MACROD2: variants seen among roughly 807,000 people sequenced by gnomAD.
The protein encoded by MACROD2 is ADP-ribose glycohydrolase MACROD2.
A neutral mutation model predicts 70.4 loss-of-function variants in MACROD2; 36 were observed. The ratio of observed to expected loss-of-function variants is 0.51; its 90% CI spans 0.39 to 0.68. MACROD2 has a LOEUF of 0.68. Ranked by LOEUF, MACROD2 falls within the 30% of genes least tolerant of loss-of-function variation. The pLI is 0.00. For synonymous variants in MACROD2, 172 were observed against 178.8 expected, an observed-to-expected ratio of 0.96 and a Z score of 0.30; for missense variants, 496 against 538.4, an observed-to-expected ratio of 0.92 and a Z score of 0.78.
chr20:15,889,827 C>T (rs972351621), intron 10 of MACROD2, among the ~76,000 whole-genome samples: 5 of 152,164 alleles, frequency 3.3e-5, no homozygotes, highest in African/African-American at 9.6e-5. Flanking sequence ...CAAAGCCATG[C>T]TCCTGGCAAA....
At chr20:15,691,789 G>T (rs1185843805) in intron 8 of MACROD2, among the ~76,000 whole-genome samples, 1 of 152,134 alleles carries the variant, frequency 6.6e-6, no homozygotes, top group African/African-American at 2.4e-5. Flanking sequence ...CCTCCCACTG[G>T]CTAAGTTATG....
At chr20:15,371,927 C>G (rs1236628670) in intron 6 of MACROD2, among the ~76,000 whole-genome samples, 1 of 152,094 alleles carries the variant, frequency 6.6e-6, no homozygotes, top group Non-Finnish European at 1.5e-5. Flanking sequence ...ATATGTAGAT[C>G]CTGCCATTAA....
At chr20:14,375,447 C>A (rs1264375255) in intron 3 of MACROD2, among the ~76,000 whole-genome samples, 1 of 152,138 alleles carries the variant, frequency 6.6e-6, no homozygotes, top group African/African-American at 2.4e-5. Flanking sequence ...GTATTTTGTG[C>A]AGCTGTAAGA....
chr20:14,787,990 TATTAA>T (rs1235596899), intron 5 of MACROD2, among the ~76,000 whole-genome samples: 1 of 152,086 alleles, frequency 6.6e-6, no homozygotes, highest in Non-Finnish European at 1.5e-5. Flanking sequence ...GAGGGCTTTC[TATTAA>T]ATTTAGTCCA....
At chr20:15,024,351 A>G (rs2075213403) in intron 5 of MACROD2, among the ~76,000 whole-genome samples, 1 of 152,196 alleles carries the variant, frequency 6.6e-6, no homozygotes, top group South Asian at 2.1e-4. Flanking sequence ...AGGAAGGACA[A>G]GAAGGAAGAG....
chr20:14,237,988 A>G (rs1441780138), intron 3 of MACROD2, among the ~76,000 whole-genome samples: 1 of 152,064 alleles, frequency 6.6e-6, no homozygotes, highest in Non-Finnish European at 1.5e-5. Flanking sequence ...TATTGTGAAT[A>G]GTGCCACAAT....
chr20:14,278,184 T>A lies in MACROD2; in HGVS notation c.271+192456T>A, dbSNP rs184078180. On this transcript the variant is annotated intron_variant, in intron 3 of 17. Coordinates refer to ENST00000684519, the MANE Select transcript of MACROD2 (RefSeq NM_001351661.2). ...TGTTTACTTTTAAATCTCAGAGTAA[T>A]TTTAAATATTAACATTGCTTAATGT... is the stretch of plus-strand genomic sequence containing the variant. 2.2e-3 allele frequency among the ~76,000 whole-genome samples: 332 copies of A among 152,348 alleles called. 2 individuals carry two copies. The highest frequency in any genetic ancestry group is 3.5e-3 in the Non-Finnish European group (241 of 68,030).
intron 2 of MACROD2, among the ~76,000 whole-genome samples, chr20:14,041,616 A>C (rs2053391640): frequency 6.6e-6 from 1 of 152,210 alleles, no homozygotes; most frequent in Admixed American, 6.5e-5. Context: ...GGCTGACAAG[A>C]TTAGATTCCT....
intron 13 of MACROD2, 40 bp downstream of exon 13, chr20:15,967,670 G>A: frequency 1.7e-6 from 2 of 1,145,598 alleles, no homozygotes; most frequent in Non-Finnish European, 2.4e-6. Flanking sequence ...CTTTTCTTCT[G>A]CTGGGAAACA....
At chr20:15,817,769 T>A (rs1018332914) in intron 8 of MACROD2, among the ~76,000 whole-genome samples, 1 of 152,114 alleles carries the variant, frequency 6.6e-6, no homozygotes, top group African/African-American at 2.4e-5. Context: ...CCCTTTAAAG[T>A]CCAGATGAAG....
intron 8 of MACROD2, among the ~76,000 whole-genome samples, chr20:15,705,084 A>C (rs921477120): frequency 6.6e-6 from 1 of 152,190 alleles, no homozygotes; most frequent in Non-Finnish European, 1.5e-5. Flanking sequence ...TCTCCTTTCA[A>C]AATATTATAG....
intron 8 of MACROD2, among the ~76,000 whole-genome samples, chr20:15,698,651 T>G (rs2050411444): frequency 6.6e-6 from 1 of 152,184 alleles, no homozygotes; most frequent in Non-Finnish European, 1.5e-5. Flanking sequence ...TTTCTTCAAT[T>G]ATTCCCCCAA....
intron 8 of MACROD2, among the ~76,000 whole-genome samples, chr20:15,684,183 G>T (rs927149132): frequency 6.6e-6 from 1 of 152,094 alleles, no homozygotes; most frequent in Non-Finnish European, 1.5e-5. Context: ...GTCCACCCCA[G>T]ATTGGCTTGT....
chr20:14,824,877 C>T (rs2072884907), intron 5 of MACROD2, among the ~76,000 whole-genome samples: 1 of 152,062 alleles, frequency 6.6e-6, no homozygotes, highest in Non-Finnish European at 1.5e-5. Flanking sequence ...CTACCATGTG[C>T]CGGTCACTGT....
chr20:14,918,621 T>G (rs1202285005), intron 5 of MACROD2, among the ~76,000 whole-genome samples: 5 of 151,564 alleles, frequency 3.3e-5, no homozygotes, highest in Admixed American at 6.6e-5. Context: ...TTTTTTGTTT[T>G]TTTTTTTTTT....
At chr20:14,441,979 T>G (rs989286005) in intron 3 of MACROD2, among the ~76,000 whole-genome samples, 1 of 151,968 alleles carries the variant, frequency 6.6e-6, no homozygotes, top group Non-Finnish European at 1.5e-5. Context: ...AAATTAAAAA[T>G]AAATGGGAGG....
chr20:15,764,292 C>T (rs1466537497), intron 8 of MACROD2, among the ~76,000 whole-genome samples: 2 of 151,850 alleles, frequency 1.3e-5, no homozygotes, highest in Non-Finnish European at 2.9e-5. Flanking sequence ...TGAACACTGT[C>T]ACATATCATT....
intron 3 of MACROD2, among the ~76,000 whole-genome samples, chr20:14,210,096 T>C (rs991949430): frequency 2.6e-5 from 4 of 152,246 alleles, no homozygotes; most frequent in Non-Finnish European, 4.4e-5. Flanking sequence ...AGCTAAATTA[T>C]ATACATATGT....
At chr20:15,971,402 G>A (rs988273395) in intron 13 of MACROD2, among the ~76,000 whole-genome samples, 4 of 152,072 alleles carry the variant, frequency 2.6e-5, no homozygotes, top group African/African-American at 4.8e-5. Flanking sequence ...AGATCTGATC[G>A]TTTTATAAAG....
Sources: gnomAD v4.1 joint callset for allele counts (sites outside exome capture counted in the v4.1 genomes callset) on GRCh38, gnomAD v4.1.1 for gene constraint, MANE v1.5 for transcripts, NCBI Gene and HGNC (gene_info 2026-07-23, HGNC 2026-07-21) for gene names.